Variants in SLC10A7 observed in about 807,000 individuals in gnomAD.
SLC10A7 encodes sodium/bile acid cotransporter 7.
A neutral mutation model predicts 43.2 loss-of-function variants in SLC10A7; 29 were observed. The observed-to-expected ratio is 0.67, with a 90% CI of 0.50 to 0.92. The LOEUF is 0.92. Among genes scored for constraint, SLC10A7 ranks in the 40% least tolerant of loss-of-function variants. The pLI, the probability that SLC10A7 is intolerant of heterozygous loss-of-function variation, is 0.00. For missense variants in SLC10A7, 295 were observed against 403.2 expected (o/e 0.73, Z 2.30); for synonymous variants, 152 against 144.8 (o/e 1.05, Z -0.35).
intron 5 of SLC10A7, among the ~76,000 whole-genome samples, chr4:146,353,403 C>G (rs1735293946): frequency 7.0e-6 from 1 of 142,156 alleles, no homozygotes; most frequent in Non-Finnish European, 1.5e-5. Flanking sequence ...CAATAGTTTA[C>G]CAACCAAAAA....
At chr4:146,306,529 A>G (rs1026039369) in intron 6 of SLC10A7, among the ~76,000 whole-genome samples, 2 of 152,164 alleles carry the variant, frequency 1.3e-5, no homozygotes, top group Non-Finnish European at 2.9e-5. Context: ...CTGAAATATA[A>G]CTTATTTTTC....
intron 6 of SLC10A7, among the ~76,000 whole-genome samples, chr4:146,322,219 CT>C (rs2149701977): frequency 1.3e-5 from 2 of 151,950 alleles, no homozygotes; most frequent in South Asian, 4.2e-4. Flanking sequence ...CTCTTTGGTT[CT>C]TTTTTTAATT....
chr4:146,489,508 C>T (rs1056941422), intron 4 of SLC10A7, among the ~76,000 whole-genome samples: 1 of 152,176 alleles, frequency 6.6e-6, no homozygotes, highest in African/African-American at 2.4e-5. Flanking sequence ...AGAACTGACA[C>T]ATAACACGTA....
intron 5 of SLC10A7, among the ~76,000 whole-genome samples, chr4:146,350,427 A>C (rs1734982289): frequency 7.4e-6 from 1 of 135,504 alleles, no homozygotes; most frequent in Non-Finnish European, 1.6e-5. Flanking sequence ...TCTGAGATCA[A>C]ACTGTAAGGC....
chr4:146,345,258 T>C (rs529271514), intron 5 of SLC10A7, among the ~76,000 whole-genome samples: 34 of 152,248 alleles, frequency 2.2e-4, no homozygotes, highest in African/African-American at 8.2e-4. Context: ...TTTCTAAATT[T>C]AGCCTGAGAC....
chr4:146,338,889 T>G (rs1389625554), intron 5 of SLC10A7, among the ~76,000 whole-genome samples: 1 of 152,004 alleles, frequency 6.6e-6, no homozygotes, highest in Admixed American at 6.6e-5. Flanking sequence ...TAAAAGAGAT[T>G]AAATCTTGAA....
chr4:146,283,334 G>T, intron 9 of SLC10A7, 69 bp from the exon 10 acceptor site: 3 of 1,177,408 alleles, frequency 2.5e-6, no homozygotes, highest in African/African-American at 1.5e-5. Flanking sequence ...AAAATCAAAT[G>T]TAGTACCTAC....
chr4:146,262,521 T>A (rs1728293240), intron 10 of SLC10A7, among the ~76,000 whole-genome samples: 1 of 152,216 alleles, frequency 6.6e-6, no homozygotes, highest in Admixed American at 6.5e-5. Context: ...GAAAATCAGC[T>A]GCATCTCTTA....
intron 5 of SLC10A7, among the ~76,000 whole-genome samples, chr4:146,335,135 T>A (rs1177363379): frequency 6.6e-6 from 1 of 151,674 alleles, no homozygotes; most frequent in Non-Finnish European, 1.5e-5. Flanking sequence ...TCCTCAATAG[T>A]TGAAGGTTTT....
intron 5 of SLC10A7, among the ~76,000 whole-genome samples, chr4:146,425,869 G>A (rs1729311513): frequency 6.6e-6 from 1 of 152,142 alleles, no homozygotes; most frequent in Admixed American, 6.5e-5. Flanking sequence ...ATTTCCAATA[G>A]CCTGATAGAA....
chr4:146,263,248 G>A (rs893126554), intron 10 of SLC10A7, among the ~76,000 whole-genome samples: 3 of 152,118 alleles, frequency 2.0e-5, no homozygotes, highest in Admixed American at 6.5e-5. Context: ...GCTTACCTAC[G>A]CCAGGGCATT....
chr4:146,368,084 C>T (rs1736520885), intron 5 of SLC10A7, among the ~76,000 whole-genome samples: 1 of 152,194 alleles, frequency 6.6e-6, no homozygotes, highest in South Asian at 2.1e-4. Context: ...AGAATTAACA[C>T]TGCCAGGCTC....
At chr4:146,279,727 T>C (rs973819360) in intron 10 of SLC10A7, among the ~76,000 whole-genome samples, 3 of 152,152 alleles carry the variant, frequency 2.0e-5, no homozygotes, top group African/African-American at 7.2e-5. Context: ...CTGAACGAAC[T>C]CCAGGGAATG....
chr4:146,447,309 A>C (rs937525816), intron 4 of SLC10A7, among the ~76,000 whole-genome samples: 1 of 152,094 alleles, frequency 6.6e-6, no homozygotes, highest in African/African-American at 2.4e-5. Flanking sequence ...GGGTTTCCCT[A>C]TGTTGCCCAG....
intron 5 of SLC10A7, among the ~76,000 whole-genome samples, chr4:146,411,305 T>C (rs1042839842): frequency 6.6e-6 from 1 of 152,140 alleles, no homozygotes; most frequent in African/African-American, 2.4e-5. Flanking sequence ...GACTATGAGA[T>C]GGAAAAACAA....
intron 1 of SLC10A7, among the ~76,000 whole-genome samples, chr4:146,521,205 C>T (rs1421985371): frequency 6.6e-6 from 1 of 151,680 alleles, no homozygotes; most frequent in Non-Finnish European, 1.5e-5. Flanking sequence ...TGTTTTTCCT[C>T]CACTTTTTTT....
chr4:146,447,556 C>T (rs890305196), intron 4 of SLC10A7, among the ~76,000 whole-genome samples: 1 of 152,076 alleles, frequency 6.6e-6, no homozygotes, highest in Non-Finnish European at 1.5e-5. Context: ...ACCTCTTGTG[C>T]TAACTGAATG....
At chr4:146,388,888 C>G (rs1289841002) in intron 5 of SLC10A7, among the ~76,000 whole-genome samples, 2 of 151,890 alleles carry the variant, frequency 1.3e-5, no homozygotes, top group Non-Finnish European at 2.9e-5. Flanking sequence ...CAAAAATAGA[C>G]TAATGGGACT....
At position 146,457,082 on chromosome 4, in the gene SLC10A7, T is replaced by C. The variant is rs146187589; in HGVS notation, c.397-14261A>G. Among the ~76,000 whole-genome samples the C allele has an allele frequency of 7.9e-4, 120 of 152,098 alleles. 1 individual carries two copies. The highest frequency in any genetic ancestry group is 2.7e-3 in the African/African-American group (113 of 41,532). ...TGCTATTGTGGTGCAAAAGCAGCCA[T>C]AGGCAATATATAAACTAATGAGTGT... is the stretch of plus-strand genomic sequence containing the variant. On this transcript the variant is annotated intron_variant, in intron 4 of 11. Transcript: ENST00000335472.
Sources: gnomAD v4.1 joint callset for allele counts (sites outside exome capture counted in the v4.1 genomes callset) on GRCh38, gnomAD v4.1.1 for gene constraint, MANE v1.5 for transcripts, NCBI Gene and HGNC (gene_info 2026-07-23, HGNC 2026-07-21) for gene names.